FTO: variants seen among roughly 807,000 people sequenced by gnomAD.
FTO encodes the protein alpha-ketoglutarate-dependent dioxygenase FTO.
Under a neutral mutation model 63.9 loss-of-function variants are expected in FTO, and 47 were observed. That is an observed-to-expected ratio of 0.74 (90% CI 0.58 to 0.94). The LOEUF is 0.94. FTO is among the 40% of genes least tolerant of loss of function. The pLI is 0.00. For missense variants in FTO, 562 were observed against 618.1 expected (o/e 0.91, Z 0.96); for synonymous variants, 207 against 224.4 (o/e 0.92, Z 0.69).
At position 54,112,887 on chromosome 16, in the gene FTO, C is replaced by G. The variant is rs1440755858; in HGVS notation, c.*972C>G. ...CAGGTGGAACTGAGGTTTGAAGAAC[C>G]TCAGTGGCCCATCCTGATGACATTG... On this transcript the variant is annotated 3_prime_UTR_variant, in exon 9 of 9. Transcript: ENST00000471389. The G allele has an allele frequency of 6.6e-6, 1 of 152,108 alleles. No individual in the cohort carries two copies. The highest frequency in any genetic ancestry group is 2.4e-5 in the African/African-American group (1 of 41,402). 9.4% of individuals were successfully genotyped at this position (152,108 alleles called of 1,614,324 possible).
rs189035811 is a variant in FTO at position 53,974,149 on chromosome 16, G to A, written c.1364+40040G>A. On this transcript the variant is annotated intron_variant, in intron 8 of 8. Transcript: ENST00000471389. ...TGAGGATCATTTTAGCTTCAACATTGGATGATGCCGACTTGCGGTGAGACC... is the reference window on the plus strand; with the variant it reads ...TGAGGATCATTTTAGCTTCAACATTAGATGATGCCGACTTGCGGTGAGACC... Among the ~76,000 whole-genome samples the A allele has an allele frequency of 2.6e-3, 389 of 152,160 alleles. 2 individuals carry two copies. Among genetic ancestry groups the A allele is most frequent in the African/African-American group, 8.8e-3 (366 of 41,504 alleles).
chr16:53,885,406 G>A (rs1490035224), intron 6 of FTO, among the ~76,000 whole-genome samples: 1 of 151,022 alleles, frequency 6.6e-6, no homozygotes, highest in Non-Finnish European at 1.5e-5. Flanking sequence ...AGGCATGCCA[G>A]TGGACTTGAT....
At chr16:53,838,305 A>G (rs1248947486) in intron 3 of FTO, among the ~76,000 whole-genome samples, 2 of 152,164 alleles carry the variant, frequency 1.3e-5, no homozygotes, top group African/African-American at 4.8e-5. Flanking sequence ...GGAAGTAATC[A>G]CAAGGGTGGG....
intron 1 of FTO, among the ~76,000 whole-genome samples, chr16:53,739,765 G>T (rs1057298466): frequency 4.0e-5 from 6 of 151,796 alleles, no homozygotes; most frequent in Non-Finnish European, 8.8e-5. Context: ...AATCATTGAG[G>T]TATAATTCTC....
intron 8 of FTO, among the ~76,000 whole-genome samples, chr16:53,936,879 A>G (rs1430260049): frequency 6.6e-6 from 1 of 152,190 alleles, no homozygotes; most frequent in Non-Finnish European, 1.5e-5. Flanking sequence ...ACTTTAGTAT[A>G]AGTCTTTTGT....
chr16:54,117,189 A>G lies in FTO; in HGVS notation c.*5274A>G, dbSNP rs1403793112. On this transcript the variant is annotated 3_prime_UTR_variant, in exon 9 of 9. Transcript: ENST00000471389. Reference sequence around the variant, plus strand: ...TTCAAACCTTTGTTGTCTTATCTACAAAATAGAATAGTAGTAATCCATCAC... The same window carrying G: ...TTCAAACCTTTGTTGTCTTATCTACGAAATAGAATAGTAGTAATCCATCAC... 6 of 152,208 alleles carry G rather than the reference A, an allele frequency of 3.9e-5. No homozygotes were observed. Among genetic ancestry groups the G allele is most frequent in the African/African-American group, 1.4e-4 (6 of 41,456 alleles). The allele number at this position is 152,208 out of a possible 1,614,324, so 9.4% of individuals were successfully genotyped here.
chr16:53,810,339 A>G, intron 2 of FTO, 122 bp downstream of exon 2: 1 of 711,774 alleles, frequency 1.4e-6, no homozygotes, highest in Non-Finnish European at 2.6e-6. Context: ...TAGATCACCC[A>G]TGACTTCTCA....
At chr16:54,102,386 A>G (rs974872142) in intron 8 of FTO, among the ~76,000 whole-genome samples, 23 of 152,308 alleles carry the variant, frequency 1.5e-4, no homozygotes, top group African/African-American at 5.1e-4. Context: ...TTGGAATCCC[A>G]AGTTGGAACT....
chr16:53,920,559 A>G (rs532567952), intron 7 of FTO, among the ~76,000 whole-genome samples: 1 of 152,218 alleles, frequency 6.6e-6, no homozygotes, highest in African/African-American at 2.4e-5. Flanking sequence ...ATTTTTAGCT[A>G]TACATTTCTC....
intron 1 of FTO, among the ~76,000 whole-genome samples, chr16:53,746,325 A>G (rs1449710301): frequency 6.6e-6 from 1 of 152,198 alleles, no homozygotes; most frequent in Non-Finnish European, 1.5e-5. Flanking sequence ...GGGCTGATCC[A>G]GGAAGGACTG....
chr16:54,041,927 T>G (rs4784352), intron 8 of FTO, among the ~76,000 whole-genome samples: 68,637 of 151,984 alleles, frequency 0.45, 18,389 homozygotes, highest in African/African-American at 0.74. Flanking sequence ...GGAGAAGATT[T>G]ATGTCCTGCG....
intron 4 of FTO, among the ~76,000 whole-genome samples, chr16:53,873,368 T>C (rs2080553716): frequency 6.6e-6 from 1 of 152,016 alleles, no homozygotes; most frequent in Admixed American, 6.6e-5. Flanking sequence ...CTGGAATAAT[T>C]GTTAATAGCA....
At chr16:54,040,915 C>T (rs532031596) in intron 8 of FTO, among the ~76,000 whole-genome samples, 167 of 152,034 alleles carry the variant, frequency 1.1e-3, no homozygotes, top group African/African-American at 3.5e-3. Flanking sequence ...TATATGGGAC[C>T]GAAGAAGAAA....
At chr16:53,976,531 T>C (rs1168593032) in intron 8 of FTO, among the ~76,000 whole-genome samples, 1 of 152,186 alleles carries the variant, frequency 6.6e-6, no homozygotes, top group African/African-American at 2.4e-5. Flanking sequence ...CATTTTCTTT[T>C]TAGAAAATTT....
chr16:53,891,604 T>G (rs908648871), intron 7 of FTO, among the ~76,000 whole-genome samples: 1 of 152,172 alleles, frequency 6.6e-6, no homozygotes, highest in Non-Finnish European at 1.5e-5. Context: ...AAGGCTACAG[T>G]GAGCTGTGAT....
intron 8 of FTO, among the ~76,000 whole-genome samples, chr16:54,100,350 T>C (rs1378009518): frequency 1.3e-5 from 2 of 151,876 alleles, no homozygotes; most frequent in Non-Finnish European, 2.9e-5. Flanking sequence ...TATTGTGGGG[T>C]TTTTGTTTGT....
chr16:53,823,329 C>T (rs1292577799), intron 2 of FTO, among the ~76,000 whole-genome samples: 3 of 152,186 alleles, frequency 2.0e-5, no homozygotes, highest in Admixed American at 6.5e-5. Context: ...GCTTCTGCTG[C>T]GACTCAGGAA....
chr16:53,713,523 CT>C (rs2075825184), intron 1 of FTO, among the ~76,000 whole-genome samples: 1 of 152,144 alleles, frequency 6.6e-6, no homozygotes, highest in Non-Finnish European at 1.5e-5. Flanking sequence ...AATTGTCTCA[CT>C]GGTTGATTTC....
At position 54,116,276 on chromosome 16, in the gene FTO, C is replaced by T. The variant is rs1358472107; in HGVS notation, c.*4361C>T. On this transcript the variant is annotated 3_prime_UTR_variant, in exon 9 of 9. Coordinates refer to ENST00000471389, the MANE Select transcript of FTO (RefSeq NM_001080432.3). ...GCTGATTTTACCACTGGGCAAATTG[C>T]ATACATTTGGATCCATGCCACGCTA... The T allele has an allele frequency of 6.6e-6, 1 of 151,708 alleles. No homozygotes were observed. The highest frequency in any genetic ancestry group is 2.4e-5 in the African/African-American group (1 of 41,264). The allele number at this position is 151,708 out of a possible 1,614,324, so 9.4% of individuals were successfully genotyped here. A position where few individuals can be genotyped will look rare whatever the true frequency, so the allele number is the denominator to read the frequency against.
Sources: gnomAD v4.1 joint callset for allele counts (sites outside exome capture counted in the v4.1 genomes callset) on GRCh38, gnomAD v4.1.1 for gene constraint, MANE v1.5 for transcripts, NCBI Gene and HGNC (gene_info 2026-07-23, HGNC 2026-07-21) for gene names.